The following PTPN13 variants were observed in gnomAD, a reference collection of about 807,000 sequenced individuals.
The protein encoded by PTPN13 is tyrosine-protein phosphatase non-receptor type 13.
A neutral mutation model predicts 284.0 loss-of-function variants in PTPN13; 191 were observed. The observed-to-expected ratio is 0.67, with a 90% CI of 0.60 to 0.76. PTPN13 has a LOEUF of 0.76. Among genes scored for constraint, PTPN13 ranks in the 30% least tolerant of loss-of-function variants. PTPN13 has a pLI of 0.00. For synonymous variants in PTPN13, 986 were observed against 1,022.3 expected, an observed-to-expected ratio of 0.96 and a Z score of 0.68; for missense variants, 2,797 against 2,939.9, an observed-to-expected ratio of 0.95 and a Z score of 1.12.
intron 47 of PTPN13, among the ~76,000 whole-genome samples, chr4:86,812,474 A>G (rs914951378): frequency 1.3e-5 from 2 of 152,212 alleles, no homozygotes; most frequent in Admixed American, 6.5e-5. Flanking sequence ...GGATCCCTGA[A>G]AGTGGTAAGT....
chr4:86,775,063 C>G (rs1740469834), intron 33 of PTPN13, 108 bp from the exon 34 acceptor site: 1 of 738,996 alleles, frequency 1.4e-6, no homozygotes, highest in Non-Finnish European at 2.1e-6. Context: ...GAATCTCTTA[C>G]TAGCTAATAT....
chr4:86,717,204 T>TC, intron 9 of PTPN13, 87 bp downstream of exon 9: 1 of 995,004 alleles, frequency 1.0e-6, no homozygotes, highest in Non-Finnish European at 1.5e-6. Context: ...TTTTTTTTTT[T>TC]TTGAGACGGA....
chr4:86,624,553 G>A (rs1269857248), intron 1 of PTPN13, among the ~76,000 whole-genome samples: 1 of 152,204 alleles, frequency 6.6e-6, no homozygotes, highest in Admixed American at 6.5e-5. Context: ...AGCATGGTAA[G>A]GAAGTATTCA....
In PTPN13 at chr4:86,807,588, T is replaced by C. The variant is rs750081489; in HGVS notation, c.6774T>C (p.Asp2258=). 1.9e-6 allele frequency: 3 copies of C among 1,613,126 alleles called. No homozygotes were observed. The highest frequency in any genetic ancestry group is 2.5e-6 in the Non-Finnish European group (3 of 1,179,284). Residue 2258 remains aspartate, a synonymous_variant, in exon 45 of 48, where the codon GAT becomes GAC. Coordinates refer to ENST00000411767, the MANE Select transcript of PTPN13 (RefSeq NM_080683.3). ...PYDATRVPLG[D]EGGYINASFI... ...ATGCTACAAGAGTGCCTCTTGGAGA[T>C]GAAGGTGGCTATATCAATGCCAGCT...
At chr4:86,813,779 T>C (rs1054967695) in intron 47 of PTPN13, among the ~76,000 whole-genome samples, 7 of 152,092 alleles carry the variant, frequency 4.6e-5, no homozygotes, top group African/African-American at 1.4e-4. Flanking sequence ...AACATCAAAA[T>C]GAGCTCAACA....
At chr4:86,790,918 A>G (rs1265614548) in intron 40 of PTPN13, among the ~76,000 whole-genome samples, 2 of 152,170 alleles carry the variant, frequency 1.3e-5, no homozygotes, top group African/African-American at 4.8e-5. Flanking sequence ...GCCACTCCCA[A>G]CGAAATCGAC....
Position 86,797,010 on chromosome 4 carries a change from A to G in PTPN13, c.6401+81A>G, listed in dbSNP as rs1377312436. On this transcript the variant is annotated intron_variant, in intron 41 of 47. Transcript: ENST00000411767. ...TGAAGATTTCCATTTGTTTTCCAGT[A>G]TAAAATAAGCATAGTTGAGTAGATT... 18 of 975,998 alleles carry G rather than the reference A, an allele frequency of 1.8e-5. No homozygotes were observed. In the East Asian group the frequency reaches 1.9e-4, roughly 10 times the overall value. The allele number at this position is 975,998 out of a possible 1,614,324, so 60.5% of individuals were successfully genotyped here.
intron 1 of PTPN13, among the ~76,000 whole-genome samples, chr4:86,611,185 A>G (rs1765230161): frequency 6.6e-6 from 1 of 152,238 alleles, no homozygotes; most frequent in African/African-American, 2.4e-5. Flanking sequence ...CCTCTTGTAC[A>G]AACTCTGTAG....
At chr4:86,772,620 T>C (rs914390491) in intron 31 of PTPN13, among the ~76,000 whole-genome samples, 158 bp from the exon 32 acceptor site, 1 of 152,198 alleles carries the variant, frequency 6.6e-6, no homozygotes, top group Non-Finnish European at 1.5e-5. Flanking sequence ...TTAACAGATA[T>C]GGAGTAAATT....
chr4:86,776,592 A>G (rs1740672420), intron 35 of PTPN13, among the ~76,000 whole-genome samples: 4 of 152,218 alleles, frequency 2.6e-5, no homozygotes, highest in Admixed American at 2.6e-4. Context: ...CAGTAAACCC[A>G]TGGTAAATTG....
At chr4:86,716,676 AT>A in intron 8 of PTPN13, 51 bp downstream of exon 8, 1 of 1,166,478 alleles carries the variant, frequency 8.6e-7, no homozygotes, top group South Asian at 1.4e-5. Context: ...CACGATTATT[AT>A]TATTTTCAAT....
intron 1 of PTPN13, among the ~76,000 whole-genome samples, chr4:86,619,875 A>T (rs1157509445): frequency 6.6e-6 from 1 of 151,796 alleles, no homozygotes; most frequent in Admixed American, 6.6e-5. Context: ...ACAAATAGAG[A>T]CATGTCCCAA....
chr4:86,653,346 A>G (rs1214066761), intron 2 of PTPN13, among the ~76,000 whole-genome samples: 2 of 152,260 alleles, frequency 1.3e-5, no homozygotes, highest in Admixed American at 6.5e-5. Flanking sequence ...TATTTATTCC[A>G]GTCTTTGCAG....
chr4:86,767,735 C>T (rs1739500052), intron 27 of PTPN13, 82 bp from the exon 28 acceptor site: 3 of 1,121,530 alleles, frequency 2.7e-6, no homozygotes, highest in Non-Finnish European at 1.2e-6. Flanking sequence ...GATTTTATAC[C>T]ATTAACTATA....
At chr4:86,793,771 A>T (rs1283674970) in intron 40 of PTPN13, among the ~76,000 whole-genome samples, 2 of 152,246 alleles carry the variant, frequency 1.3e-5, no homozygotes, top group Admixed American at 6.5e-5. Context: ...ATATAACAAA[A>T]TGAAGGCAGA....
At chr4:86,607,854 C>G (rs546085059) in intron 1 of PTPN13, among the ~76,000 whole-genome samples, 1 of 151,984 alleles carries the variant, frequency 6.6e-6, no homozygotes, top group Non-Finnish European at 1.5e-5. Flanking sequence ...TTGGGCTTCA[C>G]AGCGCCGAGT....
chr4:86,649,946 C>T (rs1435824164), intron 2 of PTPN13, among the ~76,000 whole-genome samples: 1 of 152,110 alleles, frequency 6.6e-6, no homozygotes, highest in Non-Finnish European at 1.5e-5. Flanking sequence ...GAATATCTTT[C>T]CATTTTTGTG....
At chr4:86,653,680 G>T (rs993723834) in intron 2 of PTPN13, among the ~76,000 whole-genome samples, 2 of 152,068 alleles carry the variant, frequency 1.3e-5, no homozygotes, top group Admixed American at 6.6e-5. Context: ...ATTGCATGCA[G>T]CAACTGGCCA....
At position 86,732,417 on chromosome 4, in the gene PTPN13, G is replaced by C; in HGVS notation, c.1626G>C (p.Glu542Asp). The change falls in exon 11 of 48, where the codon GAG becomes GAC. Residue 542 changes from glutamate (E) to aspartate (D), a missense_variant. Transcript: ENST00000411767. ...QRKLRNFFGPEFVKMTIEPFI... is the reference protein window; with the variant it reads ...QRKLRNFFGPDFVKMTIEPFI... ...ATTTGCAGAATTTCTTTGGCCCTGAGTTTGTGAAAATGACAATTGAACCAT... is the reference window on the plus strand; with the variant it reads ...ATTTGCAGAATTTCTTTGGCCCTGACTTTGTGAAAATGACAATTGAACCAT... 5 of 1,597,628 alleles carry C rather than the reference G, an allele frequency of 3.1e-6. No homozygotes were observed. Among genetic ancestry groups the C allele is most frequent in the Non-Finnish European group, 3.4e-6 (4 of 1,170,706 alleles).
Sources: gnomAD v4.1 joint callset for allele counts (sites outside exome capture counted in the v4.1 genomes callset) on GRCh38, gnomAD v4.1.1 for gene constraint, MANE v1.5 for transcripts, NCBI Gene and HGNC (gene_info 2026-07-23, HGNC 2026-07-21) for gene names.